SVIL: variants seen among roughly 807,000 people sequenced by gnomAD.
SVIL encodes the protein supervillin, also known as archvillin.
SVIL carries 101 observed loss-of-function variants against 240.4 expected under a neutral mutation model. That is an observed-to-expected ratio of 0.42 (90% CI 0.36 to 0.50). The LOEUF (loss-of-function observed/expected upper bound fraction) is 0.50. Among genes scored for constraint, SVIL ranks in the 20% least tolerant of loss-of-function variants. The pLI is 0.01. For missense variants in SVIL, 2,512 were observed against 2,818.7 expected, an observed-to-expected ratio of 0.89 and a Z score of 2.46; for synonymous variants, 999 against 1,100.0, an observed-to-expected ratio of 0.91 and a Z score of 1.82.
chr10:29,628,631 G>T (rs1234283040), intron 1 of SVIL, among the ~76,000 whole-genome samples: 1 of 152,110 alleles, frequency 6.6e-6, no homozygotes, highest in Non-Finnish European at 1.5e-5. Flanking sequence ...GAACCGAATT[G>T]TTCTTTTCTA....
At chr10:29,534,532 A>C (rs778819668) in intron 7 of SVIL, among the ~76,000 whole-genome samples, 31 of 152,210 alleles carry the variant, frequency 2.0e-4, no homozygotes, top group Non-Finnish European at 3.4e-4. Context: ...AAAAATAAAG[A>C]GAGATTGCTC....
intron 1 of SVIL, among the ~76,000 whole-genome samples, chr10:29,602,088 G>A (rs1228241541): frequency 2.0e-5 from 3 of 152,154 alleles, no homozygotes; most frequent in African/African-American, 7.2e-5. Flanking sequence ...TGGGGCCCTG[G>A]ATTATTAGGT....
chr10:29,488,870 C>T (rs1453128201), intron 22 of SVIL, 114 bp from the exon 23 acceptor site: 45 of 1,202,956 alleles, frequency 3.7e-5, no homozygotes, highest in Admixed American at 1.4e-4. Flanking sequence ...AAGTTAATCC[C>T]GAGAGGGAAA....
chr10:29,565,416 C>G (rs1299035245), intron 2 of SVIL, among the ~76,000 whole-genome samples: 1 of 152,154 alleles, frequency 6.6e-6, no homozygotes, highest in East Asian at 1.9e-4. Context: ...CAAAGAAAAC[C>G]AAAGGTCTAA....
rs1218345124 is a variant in SVIL at position 29,677,314 on chromosome 10, G to C, written c.-301+9239C>G. 5.3e-5 allele frequency among the ~76,000 whole-genome samples: 8 copies of C among 152,206 alleles called. No individual in the cohort carries two copies. The South Asian group carries it at 1.7e-3, about 32-fold the overall frequency. On this transcript the variant is annotated intron_variant, in intron 2 of 35. Coordinates refer to the SVIL transcript ENST00000375400. ...AGGCTTCCATTCCTCCTGCCCCTTT[G>C]TCTTGTCATGTACAGGCGATATCCC...
Position 29,531,344 on chromosome 10 carries a change from C to T in SVIL, c.2010-56G>A, listed in dbSNP as rs1302169053. 3.2e-5 allele frequency: 46 copies of T among 1,447,718 alleles called. No individual in the cohort carries two copies. The South Asian group carries it at 4.2e-4, about 13-fold the overall frequency. 89.7% of individuals were successfully genotyped at this position (1,447,718 alleles called of 1,614,324 possible). A position where few individuals can be genotyped will look rare whatever the true frequency, so the allele number is the denominator to read the frequency against. ...ACATTAGCAGGTGGGAGCAGAAGAT[C>T]GAAATAAAACATCATACTGAAAGTA... On this transcript the variant is annotated intron_variant, in intron 9 of 37. Transcript: ENST00000355867.
rs1024886743 is a variant in SVIL at position 29,668,808 on chromosome 10, A to G, written c.-300-10740T>C. 2.0e-4 allele frequency among the ~76,000 whole-genome samples: 30 copies of G among 152,150 alleles called. 1 individual carries two copies. Among genetic ancestry groups the G allele is most frequent in the Admixed American group, 6.5e-5 (1 of 15,276 alleles). On this transcript the variant is annotated intron_variant, in intron 2 of 35. Coordinates refer to the SVIL transcript ENST00000375400. Reference sequence around the variant, plus strand: ...ATAAATCTTGACCGTCAAATGGCAAACCTTTAGTGGAGCAGAAAGATTTTT... The same window carrying G: ...ATAAATCTTGACCGTCAAATGGCAAGCCTTTAGTGGAGCAGAAAGATTTTT...
chr10:29,556,560 C>T (rs572434454), intron 3 of SVIL, among the ~76,000 whole-genome samples: 96 of 152,236 alleles, frequency 6.3e-4, no homozygotes, highest in Non-Finnish European at 1.0e-3. Context: ...GTTGAATTGG[C>T]TTTTGTTGAG....
intron 1 of SVIL, among the ~76,000 whole-genome samples, chr10:29,632,352 G>A (rs553251624): frequency 6.6e-6 from 1 of 152,096 alleles, no homozygotes; most frequent in South Asian, 2.1e-4. Flanking sequence ...TTAGCTGGGC[G>A]CAGTGGCATA....
intron 1 of SVIL, among the ~76,000 whole-genome samples, chr10:29,591,335 T>C (rs1956382044): frequency 6.6e-6 from 1 of 152,202 alleles, no homozygotes. Flanking sequence ...AAGAAGAACC[T>C]GTTGAGTAAA....
intron 36 of SVIL, among the ~76,000 whole-genome samples, chr10:29,461,816 G>C (rs535653706): frequency 6.6e-6 from 1 of 152,310 alleles, no homozygotes; most frequent in East Asian, 1.9e-4. Flanking sequence ...TCATAAGGGA[G>C]TCGCAGCACC....
intron 3 of SVIL, among the ~76,000 whole-genome samples, chr10:29,650,402 T>C (rs1958798873): frequency 6.6e-6 from 1 of 152,150 alleles, no homozygotes; most frequent in African/African-American, 2.4e-5. Flanking sequence ...TTTGAGAAAG[T>C]TACCACTTTG....
intron 1 of SVIL, among the ~76,000 whole-genome samples, chr10:29,600,591 A>G (rs903327079): frequency 6.6e-6 from 1 of 152,228 alleles, no homozygotes; most frequent in Non-Finnish European, 1.5e-5. Flanking sequence ...TTTCTTTTAT[A>G]AACAGCAGCA....
intron 1 of SVIL, among the ~76,000 whole-genome samples, chr10:29,571,412 C>G (rs1955411578): frequency 6.6e-6 from 1 of 152,198 alleles, no homozygotes; most frequent in East Asian, 1.9e-4. Flanking sequence ...TCCCTACGGA[C>G]ACACATACAA....
intron 3 of SVIL, among the ~76,000 whole-genome samples, chr10:29,561,193 A>T (rs1954437168): frequency 6.6e-6 from 1 of 152,174 alleles, no homozygotes; most frequent in Non-Finnish European, 1.5e-5. Context: ...CAATCTGGTG[A>T]ACACATAAAA....
intron 2 of SVIL, among the ~76,000 whole-genome samples, chr10:29,564,682 T>C (rs7091940): frequency 0.43 from 65,805 of 152,056 alleles, 14,323 homozygotes; most frequent in African/African-American, 0.47. Flanking sequence ...GCCACCATCC[T>C]GCCCTCCTAG....
At chr10:29,669,424 G>C (rs1336871001) in intron 2 of SVIL, among the ~76,000 whole-genome samples, 1 of 152,204 alleles carries the variant, frequency 6.6e-6, no homozygotes, top group Non-Finnish European at 1.5e-5. Flanking sequence ...GGCCACACAG[G>C]CTCTGGGCCA....
intron 2 of SVIL, among the ~76,000 whole-genome samples, chr10:29,672,242 G>T (rs1959837221): frequency 6.6e-6 from 1 of 152,196 alleles, no homozygotes; most frequent in South Asian, 2.1e-4. Flanking sequence ...CAGTGGCAAT[G>T]TTGAATAATT....
intron 1 of SVIL, among the ~76,000 whole-genome samples, chr10:29,726,225 A>G (rs1043820259): frequency 6.6e-6 from 1 of 152,044 alleles, no homozygotes; most frequent in Non-Finnish European, 1.5e-5. Flanking sequence ...CCTGGCCCCC[A>G]CATATATCTT....
Sources: allele counts gnomAD v4.1 joint callset (sites outside exome capture counted in the v4.1 genomes callset), GRCh38; gene constraint gnomAD v4.1.1; transcripts MANE v1.5; gene names NCBI Gene and HGNC (gene_info 2026-07-23, HGNC 2026-07-21).